The following SLC35F4 variants were observed in gnomAD, a reference collection of about 807,000 sequenced individuals.
SLC35F4 encodes the protein solute carrier family 35 member F4.
Under a neutral mutation model 44.2 loss-of-function variants are expected in SLC35F4, and 24 were observed. The observed-to-expected ratio is 0.54, with a 90% CI of 0.39 to 0.76. The LOEUF is 0.76. Among genes scored for constraint, SLC35F4 ranks in the 30% least tolerant of loss-of-function variants. The pLI, the probability that SLC35F4 is intolerant of heterozygous loss-of-function variation, is 0.00. For synonymous variants in SLC35F4, 238 were observed against 223.6 expected (o/e 1.06, Z -0.57); for missense variants, 562 against 586.1 (o/e 0.96, Z 0.42).
At chr14:57,811,085 A>T (rs1192099070) in intron 1 of SLC35F4, among the ~76,000 whole-genome samples, 1 of 152,174 alleles carries the variant, frequency 6.6e-6, no homozygotes, top group Non-Finnish European at 1.5e-5. Context: ...AGGAGAGGCG[A>T]CTCACTGAAG....
At chr14:57,650,769 C>A (rs926163924) in intron 1 of SLC35F4, among the ~76,000 whole-genome samples, 1 of 152,126 alleles carries the variant, frequency 6.6e-6, no homozygotes, top group Non-Finnish European at 1.5e-5. Flanking sequence ...CCCTGCCCAC[C>A]CCTCCAGGTC....
At chr14:57,769,933 A>G (rs2077323293) in intron 1 of SLC35F4, among the ~76,000 whole-genome samples, 1 of 152,158 alleles carries the variant, frequency 6.6e-6, no homozygotes, top group Non-Finnish European at 1.5e-5. Context: ...TATTTTCAAT[A>G]TTTTACATAT....
chr14:57,755,245 TG>T (rs1303107358), intron 1 of SLC35F4, among the ~76,000 whole-genome samples: 2 of 152,048 alleles, frequency 1.3e-5, no homozygotes, highest in Non-Finnish European at 2.9e-5. Context: ...GGCTTTCCAG[TG>T]GGGGGCCCTG....
chr14:57,645,513 G>T (rs1464002725), intron 1 of SLC35F4, among the ~76,000 whole-genome samples: 1 of 151,898 alleles, frequency 6.6e-6, no homozygotes, highest in Non-Finnish European at 1.5e-5. Context: ...AGCTTAAGGA[G>T]ATTTTGGGCT....
At chr14:57,952,609 GAAAA>G (rs1342222086) in intron 1 of SLC35F4, among the ~76,000 whole-genome samples, 1 of 151,766 alleles carries the variant, frequency 6.6e-6, no homozygotes, top group Non-Finnish European at 1.5e-5. Flanking sequence ...TGACGGAGCT[GAAAA>G]ACACAGCACA....
chr14:57,584,856 TA>T (rs897619093), intron 3 of SLC35F4, among the ~76,000 whole-genome samples: 1 of 152,174 alleles, frequency 6.6e-6, no homozygotes, highest in Non-Finnish European at 1.5e-5. Context: ...AATGTGTGTC[TA>T]AACCATGGAA....
chr14:57,786,279 T>A (rs564987088), intron 1 of SLC35F4, among the ~76,000 whole-genome samples: 1 of 152,196 alleles, frequency 6.6e-6, no homozygotes, highest in South Asian at 2.1e-4. Context: ...CCAATGAGTG[T>A]CTGAGCTCAG....
At chr14:57,769,362 A>G (rs755935410) in intron 1 of SLC35F4, among the ~76,000 whole-genome samples, 2 of 152,114 alleles carry the variant, frequency 1.3e-5, no homozygotes, top group Admixed American at 1.3e-4. Flanking sequence ...AACTGCCTCT[A>G]TGCAAAACCA....
At chr14:57,777,627 C>T (rs560990687) in intron 1 of SLC35F4, among the ~76,000 whole-genome samples, 4 of 151,460 alleles carry the variant, frequency 2.6e-5, no homozygotes, top group Middle Eastern at 3.4e-3. Context: ...AGAGGCCTGT[C>T]GCGGGGGTGA....
At chr14:57,965,578 G>A (rs1890424319) in intron 1 of SLC35F4, among the ~76,000 whole-genome samples, 1 of 152,138 alleles carries the variant, frequency 6.6e-6, no homozygotes, top group Non-Finnish European at 1.5e-5. Context: ...TTTGTTACCT[G>A]GGACTGATAA....
chr14:57,575,501 G>A (rs1166959254), intron 4 of SLC35F4, among the ~76,000 whole-genome samples: 1 of 151,540 alleles, frequency 6.6e-6, no homozygotes, highest in African/African-American at 2.4e-5. Context: ...AAAAAAGATG[G>A]GGAAAAAAAA....
chr14:57,755,841 A>G (rs1048093171), intron 1 of SLC35F4, among the ~76,000 whole-genome samples: 2 of 152,242 alleles, frequency 1.3e-5, no homozygotes, highest in African/African-American at 4.8e-5. Flanking sequence ...CAAGGATGCT[A>G]CATGACGTGT....
chr14:57,631,258 G>A (rs1315095090), intron 1 of SLC35F4: 3 of 152,026 alleles, frequency 2.0e-5, no homozygotes, highest in Non-Finnish European at 4.4e-5. Flanking sequence ...AGTATTTTCA[G>A]GGAGACTGAG....
At chr14:57,574,706 C>A (rs1353589815) in intron 4 of SLC35F4, among the ~76,000 whole-genome samples, 1 of 152,112 alleles carries the variant, frequency 6.6e-6, no homozygotes, top group Non-Finnish European at 1.5e-5. Context: ...GAGATCTCAA[C>A]TAATCTTGAA....
chr14:57,865,472 C>A (rs57329609), intron 1 of SLC35F4, among the ~76,000 whole-genome samples: 5 of 152,170 alleles, frequency 3.3e-5, no homozygotes, highest in Admixed American at 6.5e-5. Flanking sequence ...GCACCTCCCC[C>A]CAAGGCTACG....
intron 1 of SLC35F4, among the ~76,000 whole-genome samples, chr14:57,702,754 A>C (rs1594833848): frequency 6.6e-6 from 1 of 152,152 alleles, no homozygotes; most frequent in African/African-American, 2.4e-5. Context: ...ATTATTAATC[A>C]CATTTTCTGC....
intron 1 of SLC35F4, among the ~76,000 whole-genome samples, chr14:57,807,282 C>T (rs1881436855): frequency 6.6e-6 from 1 of 152,014 alleles, no homozygotes; most frequent in Admixed American, 6.5e-5. Context: ...AAGCCTTCAC[C>T]CTCCTCCTGG....
chr14:57,740,746 C>T (rs920513782), intron 1 of SLC35F4, among the ~76,000 whole-genome samples: 1 of 152,164 alleles, frequency 6.6e-6, no homozygotes, highest in African/African-American at 2.4e-5. Flanking sequence ...AATATATTAT[C>T]ACATGTATTC....
At chr14:57,572,533 G>GCCAA (rs202045767) in intron 4 of SLC35F4, among the ~76,000 whole-genome samples, 8,796 of 152,004 alleles carry the variant, frequency 0.058, 257 homozygotes, top group African/African-American at 0.067. Flanking sequence ...CAGGCCAATG[G>GCCAA]GAAAAAAGAA....
Sources: allele counts gnomAD v4.1 joint callset (sites outside exome capture counted in the v4.1 genomes callset), GRCh38; gene constraint gnomAD v4.1.1; transcripts MANE v1.5; gene names NCBI Gene and HGNC (gene_info 2026-07-23, HGNC 2026-07-21).